The following COL5A1 variants were observed in gnomAD, a reference collection of about 807,000 sequenced individuals.
COL5A1 encodes collagen alpha-1(V) chain.
A neutral mutation model predicts 263.7 loss-of-function variants in COL5A1; 16 were observed. The ratio of observed to expected loss-of-function variants is 0.06; its 90% CI spans 0.04 to 0.09. The LOEUF is 0.09. Among genes scored for constraint, COL5A1 ranks in the 10% least tolerant of loss-of-function variants. The probability of loss-of-function intolerance (pLI) is 1.00; values close to 1 mark genes in which losing one functional copy is unlikely to be tolerated. For missense variants in COL5A1, 2,036 were observed against 2,540.5 expected, an observed-to-expected ratio of 0.80 and a Z score of 4.27; for synonymous variants, 1,012 against 1,004.5, an observed-to-expected ratio of 1.01 and a Z score of -0.14.
intron 1 of COL5A1, among the ~76,000 whole-genome samples, chr9:134,689,028 G>T (rs1378396996): frequency 6.6e-6 from 1 of 152,144 alleles, no homozygotes; most frequent in Non-Finnish European, 1.5e-5. Context: ...TGTGGCCTGC[G>T]CACCAAGCAC....
At position 134,765,873 on chromosome 9, in the gene COL5A1, G is replaced by A. The variant is rs568681719; in HGVS notation, c.2088+139G>A. The A allele has an allele frequency of 7.5e-5, 52 of 690,508 alleles. No homozygotes were observed. The highest frequency in any genetic ancestry group is 6.9e-4 in the South Asian group (38 of 55,200). The allele number at this position is 690,508 out of a possible 1,614,324, so 42.8% of individuals were successfully genotyped here. A position where few individuals can be genotyped will look rare whatever the true frequency, so the allele number is the denominator to read the frequency against. ...CGCCTGCCTGCTGCCAGTGTGAGGC[G>A]TGAGCGGGACACTGATGTTCAGACG... On this transcript the variant is annotated intron_variant, in intron 21 of 65. Transcript: ENST00000371817. This position sits in a 1 kb window ranked among gnomAD's most constrained non-coding sequence, Gnocchi z 5.1.
At position 134,733,685 on chromosome 9, in the gene COL5A1, G is replaced by A. The variant is rs117423919; in HGVS notation, c.1389+1558G>A. 1.8e-3 allele frequency among the ~76,000 whole-genome samples: 281 copies of A among 152,324 alleles called. 12 individuals carry two copies. The East Asian group carries it at 0.046, about 25-fold the overall frequency. On this transcript the variant is annotated intron_variant, in intron 9 of 65. Coordinates refer to ENST00000371817, the MANE Select transcript of COL5A1 (RefSeq NM_000093.5). ...GCAGCTGTGGGGGAGAGTGACTGCC[G>A]TCCGCCTGGGCGGACTCACCCAGAA...
intron 2 of COL5A1, among the ~76,000 whole-genome samples, chr9:134,697,058 G>A (rs928967912): frequency 6.6e-6 from 1 of 151,658 alleles, no homozygotes; most frequent in Non-Finnish European, 1.5e-5. Context: ...GCAACAGAGT[G>A]AGACTCTGTC....
chr9:134,676,022 T>G (rs1245995098), intron 1 of COL5A1, among the ~76,000 whole-genome samples: 3 of 152,194 alleles, frequency 2.0e-5, no homozygotes, highest in Admixed American at 2.0e-4. Context: ...ATTTTGAAAC[T>G]TCCACACTTT....
In COL5A1 at chr9:134,828,501, CACACATACCACACAGATACACGAT is replaced by C. The variant is rs1401859783; in HGVS notation, c.5068-1460_5068-1437del. Among the ~76,000 whole-genome samples, 27 of 150,588 alleles carry C rather than the reference CACACATACCACACAGATACACGAT, an allele frequency of 1.8e-4. No individual in the cohort carries two copies. In the South Asian group the frequency reaches 4.8e-3, roughly 27 times the overall value. On this transcript the variant is annotated intron_variant, in intron 63 of 65. Coordinates refer to ENST00000371817, the MANE Select transcript of COL5A1 (RefSeq NM_000093.5). Reference sequence around the variant, plus strand: ...ACACGCACAGATACAGGCCACACACCACACATACCACACAGATACACGATACACATACCACACACCACAGAGATA... The same window carrying C: ...ACACGCACAGATACAGGCCACACACCACACATACCACACACCACAGAGATA...
intron 63 of COL5A1, among the ~76,000 whole-genome samples, chr9:134,826,181 T>A (rs1352025012): frequency 6.6e-6 from 1 of 152,258 alleles, no homozygotes; most frequent in African/African-American, 2.4e-5. Context: ...CACTCACTGG[T>A]TGATAAAAGC....
intron 65 of COL5A1, among the ~76,000 whole-genome samples, chr9:134,840,209 C>T (rs938703905): frequency 2.0e-5 from 3 of 152,226 alleles, no homozygotes; most frequent in Non-Finnish European, 2.9e-5. Context: ...TGAGAACTCG[C>T]GTTCTCTCTG....
At chr9:134,779,954 G>T (rs1181243276) in intron 27 of COL5A1, 148 bp from the exon 28 acceptor site, 4 of 847,598 alleles carry the variant, frequency 4.7e-6, no homozygotes, top group Admixed American at 1.7e-5. Context: ...GCCACAGGGG[G>T]ACATATGGGA....
At chr9:134,720,098 C>G (rs116287729) in intron 4 of COL5A1, among the ~76,000 whole-genome samples, 2,017 of 152,294 alleles carry the variant, frequency 0.013, 43 homozygotes, top group African/African-American at 0.045. Context: ...GCCTCAGTGC[C>G]TCAGGAAGGG....
intron 25 of COL5A1, among the ~76,000 whole-genome samples, chr9:134,770,462 T>G (rs1217219101): frequency 1.3e-5 from 2 of 152,164 alleles, no homozygotes; most frequent in Non-Finnish European, 2.9e-5. Flanking sequence ...AGTGGAATAT[T>G]ACAGAGCCAG....
intron 25 of COL5A1, among the ~76,000 whole-genome samples, chr9:134,771,057 C>A (rs1397591148): frequency 2.0e-5 from 3 of 152,262 alleles, no homozygotes; most frequent in African/African-American, 4.8e-5. Context: ...TTCTGAGCCC[C>A]TTGCAAACGC....
Position 134,758,127 on chromosome 9 carries a change from T to C in COL5A1, c.1882-116T>C, listed in dbSNP as rs1564436302. On this transcript the variant is annotated intron_variant, in intron 17 of 65. Transcript: ENST00000371817. This position sits in a 1 kb window ranked among gnomAD's most constrained non-coding sequence, Gnocchi z 4.1. ...GCTGGCCGATGGGGTTCAGGGTGCA[T>C]AGATGCTGTGTGAAACGTGGTCCAA... The C allele has an allele frequency of 2.9e-6, 3 of 1,018,270 alleles. No homozygotes were observed. Among genetic ancestry groups the C allele is most frequent in the Non-Finnish European group, 4.7e-6 (3 of 644,176 alleles). 63.1% of individuals were successfully genotyped at this position (1,018,270 alleles called of 1,614,324 possible). A position where few individuals can be genotyped will look rare whatever the true frequency, so the allele number is the denominator to read the frequency against.
chr9:134,753,979 G>A, intron 15 of COL5A1, 76 bp downstream of exon 15: 1 of 1,254,532 alleles, frequency 8.0e-7, no homozygotes, highest in Non-Finnish European at 1.2e-6. Flanking sequence ...AGCATGGAGG[G>A]ACCCCAACTG....
chr9:134,816,846 T>C (rs1022024620), intron 52 of COL5A1, among the ~76,000 whole-genome samples, 180 bp from the exon 53 acceptor site: 1 of 152,206 alleles, frequency 6.6e-6, no homozygotes, highest in Non-Finnish European at 1.5e-5. Flanking sequence ...TGGGGTTCCT[T>C]ACGCTGTCAC....
At chr9:134,750,976 G>T in intron 13 of COL5A1, 94 bp downstream of exon 13, 2 of 1,070,614 alleles carry the variant, frequency 1.9e-6, no homozygotes, top group Non-Finnish European at 1.4e-6. Flanking sequence ...AGCCCAACTT[G>T]GAGGGAAGCA....
chr9:134,661,201 C>T (rs1026679311), intron 1 of COL5A1, among the ~76,000 whole-genome samples: 7 of 151,628 alleles, frequency 4.6e-5, no homozygotes, highest in East Asian at 3.9e-4. Flanking sequence ...ACACTATTCT[C>T]GGTGCTGCAT....
chr9:134,776,331 A>G (rs528708833), intron 27 of COL5A1, among the ~76,000 whole-genome samples: 8 of 152,352 alleles, frequency 5.3e-5, no homozygotes, highest in African/African-American at 1.2e-4. Context: ...ACTCCCATAC[A>G]TGGCTAATTG....
chr9:134,781,621 T>G (rs753043101), intron 28 of COL5A1, among the ~76,000 whole-genome samples: 1 of 152,214 alleles, frequency 6.6e-6, no homozygotes, highest in Non-Finnish European at 1.5e-5. Context: ...GATGCCTTCT[T>G]GCCAGGAGAG....
At chr9:134,760,168 C>T (rs115464431) in intron 18 of COL5A1, among the ~76,000 whole-genome samples, 4,339 of 129,422 alleles carry the variant, frequency 0.034, 130 homozygotes, top group African/African-American at 0.044. Context: ...CACACACATA[C>T]ATGCACACAC....
Sources: gnomAD v4.1 joint callset for allele counts (sites outside exome capture counted in the v4.1 genomes callset) on GRCh38, gnomAD v4.1.1 for gene constraint, Gnocchi (gnomAD v3.1) non-coding constraint, MANE v1.5 for transcripts, NCBI Gene and HGNC (gene_info 2026-07-23, HGNC 2026-07-21) for gene names.